MAN1B1: variants seen among roughly 807,000 people sequenced by gnomAD.
MAN1B1 encodes endoplasmic reticulum mannosyl-oligosaccharide 1,2-alpha-mannosidase.
MAN1B1 carries 66 observed loss-of-function variants against 75.5 expected under a neutral mutation model. The ratio of observed to expected loss-of-function variants is 0.87; its 90% CI spans 0.72 to 1.07. The LOEUF (loss-of-function observed/expected upper bound fraction) is 1.07. Ranked by LOEUF, MAN1B1 falls within the 50% of genes least tolerant of loss-of-function variation. The pLI, the probability that MAN1B1 is intolerant of heterozygous loss-of-function variation, is 0.00. For synonymous variants in MAN1B1, 453 were observed against 382.8 expected (o/e 1.18, Z -2.14); for missense variants, 973 against 912.5 (o/e 1.07, Z -0.85).
chr9:137,105,400 T>G, intron 8 of MAN1B1: 1 of 180,146 alleles, frequency 5.6e-6, no homozygotes, highest in Non-Finnish European at 1.1e-5. Flanking sequence ...TAGAAGGCGT[T>G]TTCACTGCAG....
chr9:137,087,967 A>G, intron 1 of MAN1B1, 108 bp from the exon 2 acceptor site: 1 of 933,500 alleles, frequency 1.1e-6, no homozygotes, highest in Non-Finnish European at 1.8e-6. Flanking sequence ...ATAGAGCTGA[A>G]CACTGGATCT....
chr9:137,104,250 T>A (rs1046703653), intron 8 of MAN1B1: 10 of 364,618 alleles, frequency 2.7e-5, no homozygotes, highest in Non-Finnish European at 4.8e-5. Context: ...TGTTTTCGTT[T>A]GTTGAGACAG....
Position 137,108,852 on chromosome 9 carries a change from T to TCA in MAN1B1, c.*261_*262insCA. The TCA allele has an allele frequency of 1.6e-6, 1 of 633,366 alleles. No homozygotes were observed. Among genetic ancestry groups the TCA allele is most frequent in the African/African-American group, 1.8e-5 (1 of 55,752 alleles). The allele number at this position is 633,366 out of a possible 1,614,324, so 39.2% of individuals were successfully genotyped here. A position where few individuals can be genotyped will look rare whatever the true frequency, so the allele number is the denominator to read the frequency against. On this transcript the variant is annotated 3_prime_UTR_variant, in exon 13 of 13. Transcript: ENST00000371589. Reference sequence around the variant, plus strand: ...AGAAGACACGAATCATGACTCACGATTGCTGAAGCCTGAGCAGGTCTCTGT... The same window carrying TCA: ...AGAAGACACGAATCATGACTCACGATCATGCTGAAGCCTGAGCAGGTCTCTGT...
intron 12 of MAN1B1, chr9:137,108,147 C>T: frequency 1.6e-6 from 1 of 612,656 alleles, no homozygotes; most frequent in Non-Finnish European, 2.9e-6. Flanking sequence ...GTGAGGCCCC[C>T]TGAGCCCAGG....
In MAN1B1 at chr9:137,097,884, C is replaced by T. The variant is rs145554887; in HGVS notation, c.677C>T (p.Ala226Val). Residue 226 changes from alanine to valine, a missense_variant, in exon 5 of 13, where the codon GCA (alanine) becomes GTA (valine). Coordinates refer to ENST00000371589, the MANE Select transcript of MAN1B1 (RefSeq NM_016219.5). Reference protein sequence around the residue: ...EQGTELPSRRAEVPTKPPLPP... With the variant: ...EQGTELPSRRVEVPTKPPLPP... ...GGCACCGAGCTCCCTTCAAGAAGAGCAGAAGTGCCCACCAAGCCTCCCCTG... is the reference window on the plus strand; with the variant it reads ...GGCACCGAGCTCCCTTCAAGAAGAGTAGAAGTGCCCACCAAGCCTCCCCTG... 6.9e-5 allele frequency: 108 copies of T among 1,560,684 alleles called. No individual in the cohort carries two copies. The Admixed American group carries it at 1.3e-3, about 18-fold the overall frequency.
At chr9:137,103,089 G>A (rs112370753) in intron 8 of MAN1B1, 12,461 of 318,734 alleles carry the variant, frequency 0.039, no homozygotes, top group Admixed American at 0.08. Context: ...ACTTGCAGGC[G>A]TGCAGGTCGG....
intron 3 of MAN1B1, among the ~76,000 whole-genome samples, chr9:137,095,622 G>A (rs1830631142): frequency 6.6e-6 from 1 of 152,038 alleles, no homozygotes; most frequent in Non-Finnish European, 1.5e-5. Context: ...AGGAGAGAAT[G>A]GATTTGCCTC....
At chr9:137,090,688 C>T (rs749935395) in intron 3 of MAN1B1, among the ~76,000 whole-genome samples, 2 of 151,954 alleles carry the variant, frequency 1.3e-5, no homozygotes, top group Non-Finnish European at 2.9e-5. Flanking sequence ...TACAGGCGCC[C>T]GACACCACGC....
At chr9:137,088,217 T>C in intron 2 of MAN1B1, 34 bp downstream of exon 2, 1 of 1,614,016 alleles carries the variant, frequency 6.2e-7, no homozygotes, top group Non-Finnish European at 8.5e-7. Context: ...AAACGATATC[T>C]GTGTTGAGGG....
rs577584648 is a variant in MAN1B1 at position 137,103,945 on chromosome 9, G to A, written c.1255-2180G>A. The stretch of plus-strand genomic sequence containing the variant: ...GTTACACATTCATGCTGTTGCAGGC[G>A]TGCAGGTCGGTGGTGTTGCACATTC... On this transcript the variant is annotated intron_variant, in intron 8 of 12. Transcript: ENST00000371589. The A allele has an allele frequency of 7.5e-3, 3,397 of 452,890 alleles. 26 individuals carry two copies. The highest frequency in any genetic ancestry group is 0.011 in the Non-Finnish European group (2,376 of 225,154). 28.1% of individuals were successfully genotyped at this position (452,890 alleles called of 1,614,324 possible).
rs1464398897 is a variant in MAN1B1 at position 137,088,572 on chromosome 9, T to C, written c.329-297T>C. On this transcript the variant is annotated intron_variant, in intron 2 of 12. Coordinates refer to ENST00000371589, the MANE Select transcript of MAN1B1 (RefSeq NM_016219.5). ...CTCTTCTCACTTGGTCTAAGATGCT[T>C]CTCTTTGGAGCAAAGCTAAAGGGCT... The C allele has an allele frequency of 9.5e-5, 77 of 811,154 alleles. No individual in the cohort carries two copies. The East Asian group carries it at 2.4e-3, about 25-fold the overall frequency. The allele number at this position is 811,154 out of a possible 1,614,324, so 50.2% of individuals were successfully genotyped here.
At chr9:137,104,946 C>T (rs1161176042) in intron 8 of MAN1B1, 1 of 152,730 alleles carries the variant, frequency 6.5e-6, no homozygotes. Context: ...CAACCTCCAC[C>T]TCCCGGGTTC....
In MAN1B1 at chr9:137,108,219, C is replaced by T. The variant is rs1831187135; in HGVS notation, c.1897-169C>T. On this transcript the variant is annotated intron_variant, in intron 12 of 12. Transcript: ENST00000371589. ...GGTTGTTGGCATTTCCAGGTGGGCT[C>T]CGGTGGAACCACACGGCTCGCCTGG... 12 of 657,078 alleles carry T rather than the reference C, an allele frequency of 1.8e-5. No individual in the cohort carries two copies. In the South Asian group the frequency reaches 1.9e-4, roughly 10 times the overall value. 40.7% of individuals were successfully genotyped at this position (657,078 alleles called of 1,614,324 possible). A position where few individuals can be genotyped will look rare whatever the true frequency, so the allele number is the denominator to read the frequency against.
chr9:137,088,031 G>A (rs747522953), intron 1 of MAN1B1, 44 bp from the exon 2 acceptor site: 4 of 1,414,216 alleles, frequency 2.8e-6, no homozygotes, highest in Non-Finnish European at 4.0e-6. Flanking sequence ...GACGTTCCGT[G>A]TGATATATTC....
At chr9:137,098,503 G>GCCCC (rs1181767947) in intron 5 of MAN1B1, among the ~76,000 whole-genome samples, 1 of 151,592 alleles carries the variant, frequency 6.6e-6, no homozygotes, top group Non-Finnish European at 1.5e-5. Flanking sequence ...CTCTCATCAT[G>GCCCC]CCCCCCAGGT....
At chr9:137,087,292 G>T in intron 1 of MAN1B1, 74 bp downstream of exon 1, 1 of 1,496,710 alleles carries the variant, frequency 6.7e-7, no homozygotes. Flanking sequence ...GGCTCCGAGC[G>T]GGACCTGGGC....
chr9:137,089,118 CCT>C, intron 3 of MAN1B1, 113 bp downstream of exon 3: 4 of 1,335,564 alleles, frequency 3.0e-6, no homozygotes, highest in Admixed American at 3.4e-5. Context: ...CACGTGTTTA[CCT>C]CTCTCTCGTT....
In MAN1B1 at chr9:137,108,419, A is replaced by G. The variant is rs1831195485; in HGVS notation, c.1928A>G (p.Asn643Ser). 1.2e-6 allele frequency: 2 copies of G among 1,613,762 alleles called. No individual in the cohort carries two copies. The highest frequency in any genetic ancestry group is 1.6e-4 in the Middle Eastern group (1 of 6,062). Residue 643 changes from asparagine to serine, a missense_variant, in exon 13 of 13, where the codon AAT (asparagine) becomes AGT (serine). Asn to Ser is a conservative substitution (Grantham distance 46, BLOSUM62 1). Coordinates refer to ENST00000371589, the MANE Select transcript of MAN1B1 (RefSeq NM_016219.5). ...VPSGGYSSIN[N>S]VQDPQKPEPR... ...TCGGGTGGCTATTCTTCCATCAACA[A>G]TGTCCAGGATCCTCAGAAGCCCGAG...
chr9:137,088,552 C>T, intron 2 of MAN1B1: 4 of 910,464 alleles, frequency 4.4e-6, no homozygotes, highest in Non-Finnish European at 6.7e-6. Context: ...AGAATCTCTT[C>T]TCACTTGGTC....
Sources: gnomAD v4.1 joint callset for allele counts (sites outside exome capture counted in the v4.1 genomes callset) on GRCh38, gnomAD v4.1.1 for gene constraint, MANE v1.5 for transcripts, NCBI Gene and HGNC (gene_info 2026-07-23, HGNC 2026-07-21) for gene names.